The following PCDH9 variants were observed in gnomAD, a reference collection of about 807,000 sequenced individuals.
PCDH9 encodes the protein protocadherin 9.
In PCDH9, 24 loss-of-function variants were observed where a neutral mutation model predicts 70.6. The observed-to-expected ratio is 0.34, with a 90% CI of 0.25 to 0.48. PCDH9 has a LOEUF of 0.48. PCDH9 is among the 20% of genes least tolerant of loss of function. The probability of loss-of-function intolerance (pLI) is 0.99; values close to 1 mark genes in which losing one functional copy is unlikely to be tolerated. For synonymous variants in PCDH9, 562 were observed against 558.5 expected (o/e 1.01, Z -0.09); for missense variants, 1,281 against 1,503.6 (o/e 0.85, Z 2.45).
At chr13:66,951,123 G>A (rs981099832) in intron 2 of PCDH9, among the ~76,000 whole-genome samples, 8 of 152,112 alleles carry the variant, frequency 5.3e-5, no homozygotes, top group South Asian at 2.1e-4. Flanking sequence ...ACAGTGCCGC[G>A]TACAAATAGA....
chr13:66,615,268 C>T (rs2077341566), intron 4 of PCDH9, among the ~76,000 whole-genome samples: 2 of 152,172 alleles, frequency 1.3e-5, no homozygotes, highest in Non-Finnish European at 2.9e-5. Flanking sequence ...TTACTTTTTA[C>T]ACTTAGGTAC....
chr13:67,116,838 C>T (rs2086786408), intron 2 of PCDH9, among the ~76,000 whole-genome samples: 1 of 152,130 alleles, frequency 6.6e-6, no homozygotes, highest in Admixed American at 6.6e-5. Context: ...AACAAACGCA[C>T]CTTACAAATG....
chr13:67,080,372 A>T (rs2085959669), intron 2 of PCDH9, among the ~76,000 whole-genome samples: 1 of 152,224 alleles, frequency 6.6e-6, no homozygotes, highest in Non-Finnish European at 1.5e-5. Context: ...ATTCCTATCC[A>T]CGTATTTCAC....
chr13:66,956,846 A>C (rs576297132), intron 2 of PCDH9, among the ~76,000 whole-genome samples: 5 of 151,996 alleles, frequency 3.3e-5, no homozygotes, highest in Non-Finnish European at 7.4e-5. Context: ...CACTCCACCC[A>C]CTTCTTCCCC....
intron 4 of PCDH9, among the ~76,000 whole-genome samples, chr13:66,344,947 G>T (rs1031766814): frequency 2.0e-5 from 3 of 152,144 alleles, no homozygotes; most frequent in Admixed American, 6.5e-5. Flanking sequence ...GAATTCAAAG[G>T]CTTTCTTGAT....
chr13:66,743,349 TGG>T (rs1345772046), intron 3 of PCDH9, among the ~76,000 whole-genome samples: 1 of 88,232 alleles, frequency 1.1e-5, no homozygotes, highest in Non-Finnish European at 2.2e-5. Context: ...TGTGGTGGGG[TGG>T]GGGGAGGGGG....
intron 2 of PCDH9, among the ~76,000 whole-genome samples, chr13:67,124,333 T>C (rs1421217713): frequency 6.6e-6 from 1 of 152,156 alleles, no homozygotes; most frequent in Admixed American, 6.5e-5. Context: ...TTGAATGTAG[T>C]AGGCATATAT....
chr13:67,167,447 A>T (rs1004908649), intron 2 of PCDH9, among the ~76,000 whole-genome samples: 1 of 152,208 alleles, frequency 6.6e-6, no homozygotes. Context: ...ACTCTCTAGT[A>T]CATAAATTCA....
chr13:66,595,937 C>T (rs932432124), intron 4 of PCDH9, among the ~76,000 whole-genome samples: 1 of 151,572 alleles, frequency 6.6e-6, no homozygotes, highest in Non-Finnish European at 1.5e-5. Context: ...AATCTTCTAG[C>T]AGAATAGGAT....
chr13:66,511,473 T>C (rs1472612973), intron 4 of PCDH9, among the ~76,000 whole-genome samples: 1 of 152,000 alleles, frequency 6.6e-6, no homozygotes, highest in Non-Finnish European at 1.5e-5. Flanking sequence ...ACATAGTCCC[T>C]GGAATGTTGC....
rs936955279 is a variant in PCDH9, at chr13:66,618,839, A to G, written c.3340+12371T>C. ...ATTACTTCTTGGAAGAATGGATCAC[A>G]TGACAGCAGCTATGGAAATGAGATT... On this transcript the variant is annotated intron_variant, in intron 4 of 4. Coordinates refer to ENST00000377865, the MANE Select transcript of PCDH9 (RefSeq NM_203487.3). 2.6e-5 allele frequency among the ~76,000 whole-genome samples: 4 copies of G among 152,176 alleles called. No individual in the cohort carries two copies. In the East Asian group the frequency reaches 7.7e-4, roughly 29 times the overall value.
intron 3 of PCDH9, among the ~76,000 whole-genome samples, chr13:66,881,011 A>G (rs1303276739): frequency 6.6e-6 from 1 of 152,186 alleles, no homozygotes; most frequent in Non-Finnish European, 1.5e-5. Flanking sequence ...GAAAGGTGTT[A>G]ATACATTTTG....
intron 4 of PCDH9, among the ~76,000 whole-genome samples, chr13:66,526,567 A>T (rs1247311550): frequency 6.6e-6 from 1 of 151,496 alleles, no homozygotes; most frequent in Non-Finnish European, 1.5e-5. Context: ...TAGCTTCACA[A>T]TTCCCTGTAG....
chr13:66,791,427 A>C (rs1471865161), intron 3 of PCDH9, among the ~76,000 whole-genome samples: 1 of 152,108 alleles, frequency 6.6e-6, no homozygotes, highest in African/African-American at 2.4e-5. Context: ...ACAATGTTTG[A>C]ATGACAAACT....
At chr13:66,644,769 AT>A (rs2077750681) in intron 3 of PCDH9, among the ~76,000 whole-genome samples, 1 of 152,056 alleles carries the variant, frequency 6.6e-6, no homozygotes, top group South Asian at 2.1e-4. Flanking sequence ...CTATTTTTTA[AT>A]TTTTTAAACA....
At chr13:67,105,645 T>C (rs2086524913) in intron 2 of PCDH9, among the ~76,000 whole-genome samples, 3 of 152,112 alleles carry the variant, frequency 2.0e-5, no homozygotes, top group Non-Finnish European at 1.5e-5. Context: ...AACACTTTTG[T>C]GTGTTTTTTG....
At chr13:66,360,459 TTTAAC>T (rs1956451530) in intron 4 of PCDH9, among the ~76,000 whole-genome samples, 1 of 152,124 alleles carries the variant, frequency 6.6e-6, no homozygotes, top group Admixed American at 6.6e-5. Flanking sequence ...CAACTTGACT[TTTAAC>T]TTAAATTTAA....
intron 3 of PCDH9, among the ~76,000 whole-genome samples, chr13:66,779,613 G>C (rs146457820): frequency 1.3e-5 from 2 of 152,058 alleles, no homozygotes; most frequent in East Asian, 1.9e-4. Context: ...ACAAGGTCAA[G>C]AGATTGAGAC....
At chr13:66,800,392 A>G (rs556007051) in intron 3 of PCDH9, among the ~76,000 whole-genome samples, 1 of 152,224 alleles carries the variant, frequency 6.6e-6, no homozygotes, top group South Asian at 2.1e-4. Flanking sequence ...TACCCCCACT[A>G]GCAATCATTT....
Sources: gnomAD v4.1 joint callset for allele counts (sites outside exome capture counted in the v4.1 genomes callset) on GRCh38, gnomAD v4.1.1 for gene constraint, MANE v1.5 for transcripts, NCBI Gene and HGNC (gene_info 2026-07-23, HGNC 2026-07-21) for gene names.